Variants in BTNL9 observed in about 807,000 individuals in gnomAD.
BTNL9 encodes the protein butyrophilin-like protein 9.
In BTNL9, 45 loss-of-function variants were observed where a neutral mutation model predicts 45.8. That is an observed-to-expected ratio of 0.98 (90% CI 0.77 to 1.26). The LOEUF (loss-of-function observed/expected upper bound fraction) is 1.26, where lower values mean the gene tolerates loss of function less well. Among genes scored for constraint, BTNL9 ranks in the 50% most tolerant of loss-of-function variants. The pLI is 0.00. For synonymous variants in BTNL9, 346 were observed against 330.8 expected (o/e 1.05, Z -0.50); for missense variants, 784 against 729.7 (o/e 1.07, Z -0.86).
chr5:181,052,857 A>T (rs1042785898), intron 4 of BTNL9: 1 of 133,518 alleles, frequency 7.5e-6, no homozygotes, highest in Non-Finnish European at 1.6e-5. Context: ...CTCCCCGGAC[A>T]TCCGCCGCCA....
Position 181,059,721 on chromosome 5 carries a change from G to A in BTNL9, c.1467G>A (p.Arg489=). The A allele has an allele frequency of 1.9e-6, 3 of 1,613,370 alleles. No individual in the cohort carries two copies. The highest frequency in any genetic ancestry group is 2.5e-6 in the Non-Finnish European group (3 of 1,179,956). The change falls in exon 11 of 11, where the codon AGG becomes AGA. Residue 489 remains arginine, a synonymous_variant. Transcript: ENST00000327705. ...SGALCAYFRP[R]AHDGGEHPDP... ...CGCTCTGTGCGTACTTCAGGCCCAG[G>A]GCCCACGACGGCGGCGAACATCCGG...
At chr5:181,056,284 AGT>A (rs985314246) in intron 9 of BTNL9, among the ~76,000 whole-genome samples, 9 of 152,144 alleles carry the variant, frequency 5.9e-5, no homozygotes, top group Non-Finnish European at 1.0e-4. Flanking sequence ...TTCTGGCATG[AGT>A]GTGTTGCTGT....
In BTNL9 at chr5:181,061,209, A is replaced by G. The variant is rs978730526; in HGVS notation, c.*1347A>G. 28 of 152,264 alleles carry G rather than the reference A, an allele frequency of 1.8e-4. No individual in the cohort carries two copies. Among genetic ancestry groups the G allele is most frequent in the African/African-American group, 6.8e-4 (28 of 41,476 alleles). The allele number at this position is 152,264 out of a possible 1,614,324, so 9.4% of individuals were successfully genotyped here. ...ACTGAATTTCCAGTGACTAAGTGGA[A>G]AAATATAAAACATATGAATATAAAG... is the stretch of plus-strand genomic sequence containing the variant. On this transcript the variant is annotated 3_prime_UTR_variant, in exon 11 of 11. Transcript: ENST00000327705.
rs1561970722 is a variant in BTNL9, at chr5:181,040,425, C to T, written c.-31C>T. ...TGCCATTTCAGACCTTTTGCTGCTA[C>T]CTGCCAGGTAAGTGGCTCATTCTCA... is the stretch of plus-strand genomic sequence containing the variant. On this transcript the variant is annotated 5_prime_UTR_variant, in exon 1 of 11. Coordinates refer to ENST00000327705, the MANE Select transcript of BTNL9 (RefSeq NM_152547.5). 1 of 152,200 alleles carries T rather than the reference C, an allele frequency of 6.6e-6. No individual in the cohort carries two copies. Among genetic ancestry groups the T allele is most frequent in the African/African-American group, 2.4e-5 (1 of 41,424 alleles). 9.4% of individuals were successfully genotyped at this position (152,200 alleles called of 1,614,324 possible). A position where few individuals can be genotyped will look rare whatever the true frequency, so the allele number is the denominator to read the frequency against.
At chr5:181,056,042 T>G in intron 9 of BTNL9, 27 bp downstream of exon 9, 1 of 1,613,386 alleles carries the variant, frequency 6.2e-7, no homozygotes, top group South Asian at 1.1e-5. Context: ...TCTCTCTGAC[T>G]CCTCCTCATT....
At chr5:181,047,638 T>G in intron 2 of BTNL9, 1 of 601,748 alleles carries the variant, frequency 1.7e-6, no homozygotes, top group East Asian at 5.0e-5. Context: ...CTTGGTCATA[T>G]TTACATAATT....
rs764945046 is a variant in BTNL9 at position 181,050,380 on chromosome 5, G to A, written c.736+11G>A. The A allele has an allele frequency of 3.5e-5, 56 of 1,612,938 alleles. No individual in the cohort carries two copies. Among genetic ancestry groups the A allele is most frequent in the Non-Finnish European group, 4.5e-5 (53 of 1,179,482 alleles). ...TGGTCCAGATAGCAGGTCAGTGGCT[G>A]TTAGCTCACACCCATCTTCCTAGTC... On this transcript the variant is annotated intron_variant, in intron 4 of 10. Transcript: ENST00000327705. The surrounding 1 kb of genome is among the most constrained non-coding windows in gnomAD (Gnocchi z 4.9).
Position 181,059,687 on chromosome 5 carries a change from T to C in BTNL9, c.1433T>C (p.Phe478Ser). 2 of 1,613,642 alleles carry C rather than the reference T, an allele frequency of 1.2e-6. No individual in the cohort carries two copies. Among genetic ancestry groups the C allele is most frequent in the Non-Finnish European group, 1.7e-6 (2 of 1,179,942 alleles). ...GSHIFTFHDTFSGALCAYFRP... is the reference protein window; with the variant it reads ...GSHIFTFHDTSSGALCAYFRP... ...CACATCTTCACCTTCCACGACACCTTCTCGGGCGCGCTCTGTGCGTACTTC... is the reference window on the plus strand; with the variant it reads ...CACATCTTCACCTTCCACGACACCTCCTCGGGCGCGCTCTGTGCGTACTTC... The change falls in exon 11 of 11, where the codon TTC becomes TCC. Residue 478 changes from phenylalanine (F) to serine (S), a missense_variant. Coordinates refer to ENST00000327705, the MANE Select transcript of BTNL9 (RefSeq NM_152547.5).
intron 1 of BTNL9, among the ~76,000 whole-genome samples, chr5:181,045,021 G>A (rs1761015391): frequency 6.6e-6 from 1 of 152,218 alleles, no homozygotes; most frequent in Non-Finnish European, 1.5e-5. Context: ...CCAGACCAAA[G>A]GGAAGTGGGA....
In BTNL9 at chr5:181,053,778, C is replaced by T; in HGVS notation, c.886+277C>T. The T allele has an allele frequency of 2.0e-6, 3 of 1,523,894 alleles. No individual in the cohort carries two copies. Among genetic ancestry groups the T allele is most frequent in the Non-Finnish European group, 2.6e-6 (3 of 1,138,854 alleles). 94.4% of individuals were successfully genotyped at this position (1,523,894 alleles called of 1,614,324 possible). ...TACGCCCTCGGAGCTTCACATCACACTGTACAGAGGGAGCGGTGACCAGGG... is the reference window on the plus strand; with the variant it reads ...TACGCCCTCGGAGCTTCACATCACATTGTACAGAGGGAGCGGTGACCAGGG... On this transcript the variant is annotated intron_variant, in intron 6 of 10. Transcript: ENST00000327705. The surrounding 1 kb of genome is among the most constrained non-coding windows in gnomAD (Gnocchi z 6.5).
In BTNL9 at chr5:181,056,009, C is replaced by T. The variant is rs531897293; in HGVS notation, c.949C>T (p.Gln317Ter). Residue 317 changes from glutamine (Q) to a stop codon, truncating the protein, a stop_gained, in exon 9 of 11, where the codon CAG (glutamine) becomes TAG (stop). Coordinates refer to ENST00000327705, the MANE Select transcript of BTNL9 (RefSeq NM_152547.5). LOFTEE classifies it low-confidence loss of function (END_TRUNC). ...TELDWRRAEG[Q>*]AEWRAAQKYA... is the part of the protein sequence containing the mutation. ...TTCAGACTGGAGACGGGCTGAAGGC[C>T]AGGCTGGTGAGTGGAACCCATCTCT... 6.2e-7 allele frequency: 1 copy of T among 1,614,126 alleles called. No homozygotes were observed. Among genetic ancestry groups the T allele is most frequent in the Admixed American group, 1.7e-5 (1 of 60,020 alleles).
chr5:181,048,784 A>AG (rs1761346016), intron 3 of BTNL9, among the ~76,000 whole-genome samples: 6 of 102,040 alleles, frequency 5.9e-5, no homozygotes, highest in Non-Finnish European at 1.2e-4. Context: ...GCTATATATT[A>AG]ATTATATAGT....
chr5:181,054,070 C>T lies in BTNL9; in HGVS notation c.887-169C>T, dbSNP rs1050868949. ...GCCAAGGGTGCGCACTTCCCCATCC[C>T]CTGCCTGGAGCCTCACTTCCAGCCC... On this transcript the variant is annotated intron_variant, in intron 6 of 10. Coordinates refer to ENST00000327705, the MANE Select transcript of BTNL9 (RefSeq NM_152547.5). 4 of 1,547,232 alleles carry T rather than the reference C, an allele frequency of 2.6e-6. No homozygotes were observed. The African/African-American group carries it at 4.1e-5, about 16-fold the overall frequency.
chr5:181,044,584 C>A (rs1457438862), intron 1 of BTNL9, among the ~76,000 whole-genome samples: 1 of 152,192 alleles, frequency 6.6e-6, no homozygotes, highest in Non-Finnish European at 1.5e-5. Context: ...AGATTTCGGT[C>A]CAGCCAATGA....
chr5:181,048,112 G>C lies in BTNL9; in HGVS notation c.295G>C (p.Ala99Pro), dbSNP rs999171486. 8.7e-6 allele frequency: 14 copies of C among 1,613,522 alleles called. No individual in the cohort carries two copies. In the Admixed American group the frequency reaches 1.5e-4, roughly 17 times the overall value. ...QQELPGRQMPAFRNRTKLVKD... is the reference protein window; with the variant it reads ...QQELPGRQMPPFRNRTKLVKD... ...GGAGCTCCCTGGCAGGCAGATGCCGGCGTTCCGGAACAGGACCAAGTTGGT... is the reference window on the plus strand; with the variant it reads ...GGAGCTCCCTGGCAGGCAGATGCCGCCGTTCCGGAACAGGACCAAGTTGGT... Residue 99 changes from alanine to proline, a missense_variant, in exon 3 of 11, where the codon GCG becomes CCG. Ala to Pro is a conservative substitution (Grantham distance 27, BLOSUM62 -1). Transcript: ENST00000327705.
In BTNL9 at chr5:181,053,689, C is replaced by A; in HGVS notation, c.886+188C>A. On this transcript the variant is annotated intron_variant, in intron 6 of 10. Transcript: ENST00000327705. The surrounding 1 kb of genome is among the most constrained non-coding windows in gnomAD (Gnocchi z 6.5). ...GTTCATATGGACAAAAGCGGAGGTG[C>A]GGAACGGCTGCATTTTCCACGGAGG... 2.6e-6 allele frequency: 4 copies of A among 1,513,942 alleles called. No individual in the cohort carries two copies. The South Asian group carries it at 5.2e-5, about 20-fold the overall frequency. 93.8% of individuals were successfully genotyped at this position (1,513,942 alleles called of 1,614,324 possible). A position where few individuals can be genotyped will look rare whatever the true frequency, so the allele number is the denominator to read the frequency against.
At chr5:181,052,698 G>A (rs1761610365) in intron 4 of BTNL9, 2 of 152,158 alleles carry the variant, frequency 1.3e-5, no homozygotes, top group Admixed American at 6.5e-5. Context: ...CTGGGGAGCC[G>A]GGAGGGACGT....
rs998536185 is a variant in BTNL9, at chr5:181,059,408, A to G, written c.1154A>G (p.Tyr385Cys). 1.6e-5 allele frequency: 24 copies of G among 1,509,144 alleles called. No homozygotes were observed. Among genetic ancestry groups the G allele is most frequent in the Non-Finnish European group, 2.1e-5 (24 of 1,132,294 alleles). 93.5% of individuals were successfully genotyped at this position (1,509,144 alleles called of 1,614,324 possible). Reference sequence around the variant, plus strand: ...GAGCGGTTCTCCGCCGGCCGCCACTACTGGGAGGTGCACGTGGGCCGCCGC... The same window carrying G: ...GAGCGGTTCTCCGCCGGCCGCCACTGCTGGGAGGTGCACGTGGGCCGCCGC... ...SLERFSAGRH[Y>C]WEVHVGRRSR... is the part of the protein sequence containing the mutation. The change falls in exon 11 of 11, where the codon TAC becomes TGC. Residue 385 changes from tyrosine to cysteine, a missense_variant. Coordinates refer to ENST00000327705, the MANE Select transcript of BTNL9 (RefSeq NM_152547.5).
rs73355283 is a variant in BTNL9, at chr5:181,047,668, T to A, written c.110-259T>A. Among the ~76,000 whole-genome samples the A allele has an allele frequency of 5.4e-3, 816 of 152,368 alleles. 9 individuals carry two copies. Among genetic ancestry groups the A allele is most frequent in the African/African-American group, 0.019 (773 of 41,578 alleles). On this transcript the variant is annotated intron_variant, in intron 2 of 10. Coordinates refer to ENST00000327705, the MANE Select transcript of BTNL9 (RefSeq NM_152547.5). Reference sequence around the variant, plus strand: ...ATAATTGTCCCCAAAATAACATTTGTACCTGGTTGGATGAAACCAGTTACC... The same window carrying A: ...ATAATTGTCCCCAAAATAACATTTGAACCTGGTTGGATGAAACCAGTTACC...
Sources: gnomAD v4.1 joint callset for allele counts (sites outside exome capture counted in the v4.1 genomes callset) on GRCh38, gnomAD v4.1.1 for gene constraint, Gnocchi (gnomAD v3.1) non-coding constraint, MANE v1.5 for transcripts, NCBI Gene and HGNC (gene_info 2026-07-23, HGNC 2026-07-21) for gene names.